The following DAG1 variants were observed in gnomAD, a reference collection of about 807,000 sequenced individuals.
DAG1 encodes the protein dystroglycan 1, also known as dystroglycan 1 (dystrophin-associated glycoprotein 1).
A neutral mutation model predicts 46.1 loss-of-function variants in DAG1; 8 were observed. That is an observed-to-expected ratio of 0.17 (90% CI 0.10 to 0.31). DAG1 has a LOEUF of 0.31. Among genes scored for constraint, DAG1 ranks in the 10% least tolerant of loss-of-function variants. The pLI, the probability that DAG1 is intolerant of heterozygous loss-of-function variation, is 1.00. For missense variants in DAG1, 1,003 were observed against 1,189.9 expected, an observed-to-expected ratio of 0.84 and a Z score of 2.31; for synonymous variants, 495 against 481.8, an observed-to-expected ratio of 1.03 and a Z score of -0.36.
At position 49,533,511 on chromosome 3, in the gene DAG1, C is replaced by T. The variant is rs923112815; in HGVS notation, c.*312C>T. ...CCATGTGGAGTGGAGGTGGAGGGAGCGAGGAACCATGAATGAACTCGCAGG... is the reference window on the plus strand; with the variant it reads ...CCATGTGGAGTGGAGGTGGAGGGAGTGAGGAACCATGAATGAACTCGCAGG... On this transcript the variant is annotated 3_prime_UTR_variant, in exon 3 of 3. Coordinates refer to ENST00000308775, the MANE Select transcript of DAG1 (RefSeq NM_004393.6). 4 of 564,050 alleles carry T rather than the reference C, an allele frequency of 7.1e-6. No homozygotes were observed. The highest frequency in any genetic ancestry group is 7.9e-5 in the East Asian group (2 of 25,470). 34.9% of individuals were successfully genotyped at this position (564,050 alleles called of 1,614,324 possible). A position where few individuals can be genotyped will look rare whatever the true frequency, so the allele number is the denominator to read the frequency against.
chr3:49,470,986 A>G (rs2049503914), intron 1 of DAG1: 1 of 152,230 alleles, frequency 6.6e-6, no homozygotes, highest in Admixed American at 6.5e-5. Flanking sequence ...CTGCGAGTGT[A>G]TTTGGATAGT....
chr3:49,527,521 CAAA>C (rs539525966), intron 2 of DAG1, among the ~76,000 whole-genome samples: 1 of 106,866 alleles, frequency 9.4e-6, no homozygotes, highest in African/African-American at 3.5e-5. Flanking sequence ...GACTCTGTCT[CAAA>C]AAAAAAAAAA....
chr3:49,520,709 A>T (rs950693057), intron 2 of DAG1, among the ~76,000 whole-genome samples: 1 of 152,196 alleles, frequency 6.6e-6, no homozygotes, highest in African/African-American at 2.4e-5. Flanking sequence ...CCAAGGCCCA[A>T]AGTTCCCTCC....
chr3:49,481,313 C>T (rs2049875339), intron 1 of DAG1, among the ~76,000 whole-genome samples: 2 of 146,670 alleles, frequency 1.4e-5, no homozygotes, highest in Non-Finnish European at 3.0e-5. Context: ...AGGAGAATGG[C>T]GTGAACCTGG....
At chr3:49,481,743 G>C (rs1372754634) in intron 1 of DAG1, among the ~76,000 whole-genome samples, 1 of 152,178 alleles carries the variant, frequency 6.6e-6, no homozygotes, top group Non-Finnish European at 1.5e-5. Flanking sequence ...ACAGTAGCCA[G>C]TGCCCAGCTT....
intron 2 of DAG1, among the ~76,000 whole-genome samples, chr3:49,525,702 G>C (rs1261563141): frequency 6.6e-6 from 1 of 151,820 alleles, no homozygotes; most frequent in Non-Finnish European, 1.5e-5. Flanking sequence ...GGGACTACAG[G>C]CGCCCGCCAC....
intron 1 of DAG1, among the ~76,000 whole-genome samples, chr3:49,484,635 A>G (rs1011458416): frequency 1.3e-5 from 2 of 151,836 alleles, no homozygotes; most frequent in Non-Finnish European, 2.9e-5. Context: ...TGGCCTCCTC[A>G]CTTCCATCCT....
At chr3:49,526,171 G>C (rs1033343840) in intron 2 of DAG1, among the ~76,000 whole-genome samples, 1 of 152,116 alleles carries the variant, frequency 6.6e-6, no homozygotes, top group South Asian at 2.1e-4. Context: ...TAAACAACCA[G>C]ATCTTGTGAG....
chr3:49,496,087 A>C (rs769149650), intron 1 of DAG1, among the ~76,000 whole-genome samples: 11 of 152,228 alleles, frequency 7.2e-5, no homozygotes, highest in African/African-American at 1.2e-4. Context: ...ATATGCCCCT[A>C]AAAGCCTCCT....
chr3:49,475,305 T>C (rs149538352), intron 1 of DAG1, among the ~76,000 whole-genome samples: 1 of 151,750 alleles, frequency 6.6e-6, no homozygotes, highest in East Asian at 1.9e-4. Context: ...GTTTTCTCCA[T>C]GTTGGTCAGG....
chr3:49,479,653 TTTGA>T (rs2049807803), intron 1 of DAG1, among the ~76,000 whole-genome samples: 1 of 78,760 alleles, frequency 1.3e-5, no homozygotes, highest in Admixed American at 1.6e-4. Context: ...TTTTTTTTTT[TTTGA>T]GACCGAGTCT....
At chr3:49,527,470 C>A (rs2051209009) in intron 2 of DAG1, among the ~76,000 whole-genome samples, 1 of 149,752 alleles carries the variant, frequency 6.7e-6, no homozygotes, top group Non-Finnish European at 1.5e-5. Context: ...TGCAGTGAGC[C>A]GAGATAGCGC....
At chr3:49,528,853 T>C (rs1409150429) in intron 2 of DAG1, among the ~76,000 whole-genome samples, 1 of 151,256 alleles carries the variant, frequency 6.6e-6, no homozygotes, top group East Asian at 1.9e-4. Flanking sequence ...ATAACGCCTT[T>C]TTTTTTTTTT....
chr3:49,471,987 CAG>C (rs1387089165), intron 1 of DAG1, among the ~76,000 whole-genome samples: 1 of 152,146 alleles, frequency 6.6e-6, no homozygotes, highest in East Asian at 1.9e-4. Flanking sequence ...GGCCTGGACA[CAG>C]GGAACCACAT....
At chr3:49,480,173 C>G (rs1404433395) in intron 1 of DAG1, among the ~76,000 whole-genome samples, 2 of 142,824 alleles carry the variant, frequency 1.4e-5, no homozygotes, top group Admixed American at 7.3e-5. Context: ...AGGCTGGTCT[C>G]GAACTCCTGA....
At chr3:49,507,785 C>A (rs1342802198) in intron 1 of DAG1, among the ~76,000 whole-genome samples, 1 of 151,954 alleles carries the variant, frequency 6.6e-6, no homozygotes, top group Non-Finnish European at 1.5e-5. Flanking sequence ...TCTTCCTTAG[C>A]CTCCTGAGTA....
chr3:49,531,635 C>G lies in DAG1; in HGVS notation c.1124C>G (p.Ala375Gly). Residue 375 changes from alanine to glycine, a missense_variant, in exon 3 of 3, where the codon GCC (alanine) becomes GGC (glycine). Ala to Gly is a moderately conservative substitution (Grantham distance 60). Transcript: ENST00000308775. This position sits in a 1 kb window ranked among gnomAD's most constrained non-coding sequence, Gnocchi z 7.0. ...KPTVTIRTRG[A>G]IIQTPTLGPI... is the part of the protein sequence containing the mutation. The stretch of plus-strand genomic sequence containing the variant: ...ACGGTCACCATCCGGACTCGAGGCG[C>G]CATTATTCAAACCCCAACCCTAGGC... 4 of 1,612,924 alleles carry G rather than the reference C, an allele frequency of 2.5e-6. No individual in the cohort carries two copies. Among genetic ancestry groups the G allele is most frequent in the Non-Finnish European group, 3.4e-6 (4 of 1,178,990 alleles).
At chr3:49,529,328 G>T (rs1355792559) in intron 2 of DAG1, among the ~76,000 whole-genome samples, 1 of 152,182 alleles carries the variant, frequency 6.6e-6, no homozygotes, top group Non-Finnish European at 1.5e-5. Context: ...GAGCTACCAT[G>T]CCCAGCTTTC....
intron 1 of DAG1, among the ~76,000 whole-genome samples, chr3:49,510,009 G>A (rs140543125): frequency 0.015 from 2,277 of 152,282 alleles, 42 homozygotes; most frequent in Non-Finnish European, 0.016. Context: ...GATCATAGGC[G>A]TGAGCCACGG....
Sources: allele counts gnomAD v4.1 joint callset (sites outside exome capture counted in the v4.1 genomes callset), GRCh38; gene constraint gnomAD v4.1.1; non-coding constraint Gnocchi (gnomAD v3.1); transcripts MANE v1.5; gene names NCBI Gene and HGNC (gene_info 2026-07-23, HGNC 2026-07-21).